The following ATG4C variants were observed in gnomAD, a reference collection of about 807,000 sequenced individuals.
ATG4C encodes cysteine protease ATG4C.
ATG4C carries 56 observed loss-of-function variants against 57.6 expected under a neutral mutation model. The ratio of observed to expected loss-of-function variants is 0.97; its 90% CI spans 0.78 to 1.21. The LOEUF is 1.21. ATG4C is among the 50% of genes most tolerant of loss of function. The pLI, the probability that ATG4C is intolerant of heterozygous loss-of-function variation, is 0.00. For synonymous variants in ATG4C, 157 were observed against 174.1 expected (o/e 0.90, Z 0.78); for missense variants, 595 against 529.8 (o/e 1.12, Z -1.21).
chr1:62,809,409 G>C (rs556451781), intron 3 of ATG4C, among the ~76,000 whole-genome samples: 132 of 146,912 alleles, frequency 9.0e-4, no homozygotes, highest in South Asian at 3.2e-3. Flanking sequence ...ATATACATAT[G>C]TGTATATAAA....
intron 1 of ATG4C, among the ~76,000 whole-genome samples, chr1:62,798,666 A>C (rs1664553222): frequency 6.7e-6 from 1 of 150,104 alleles, no homozygotes; most frequent in Non-Finnish European, 1.5e-5. Context: ...TTTTTTGGAG[A>C]CAGAGTCTTG....
chr1:62,821,377 T>A (rs1279590411), intron 6 of ATG4C, among the ~76,000 whole-genome samples, 168 bp downstream of exon 6: 1 of 152,094 alleles, frequency 6.6e-6, no homozygotes, highest in Non-Finnish European at 1.5e-5. Context: ...TTTGATTGAA[T>A]ACATACTATG....
intron 6 of ATG4C, among the ~76,000 whole-genome samples, chr1:62,828,532 T>G (rs548929647): frequency 6.6e-6 from 1 of 152,354 alleles, no homozygotes; most frequent in South Asian, 2.1e-4. Flanking sequence ...TTTAAGTTCC[T>G]TACAGATGCT....
chr1:62,848,309 A>C (rs1462809086), intron 10 of ATG4C, among the ~76,000 whole-genome samples: 1 of 152,172 alleles, frequency 6.6e-6, no homozygotes, highest in East Asian at 1.9e-4. Context: ...TGTCATCAAA[A>C]ACTTGAGTCC....
At chr1:62,836,619 C>G (rs1340615390) in intron 9 of ATG4C, among the ~76,000 whole-genome samples, 1 of 152,028 alleles carries the variant, frequency 6.6e-6, no homozygotes, top group Non-Finnish European at 1.5e-5. Context: ...GTATTACTAA[C>G]CATCCTTGCT....
chr1:62,846,760 C>CT (rs1473395806), intron 10 of ATG4C, among the ~76,000 whole-genome samples: 1 of 152,200 alleles, frequency 6.6e-6, no homozygotes, highest in Non-Finnish European at 1.5e-5. Flanking sequence ...TTCCCTACTG[C>CT]TCTTGCAACA....
chr1:62,809,451 G>A (rs1181724934), intron 3 of ATG4C, among the ~76,000 whole-genome samples: 1 of 146,132 alleles, frequency 6.8e-6, no homozygotes, highest in Non-Finnish European at 1.5e-5. Context: ...ATATGTATAT[G>A]TACACATGTA....
chr1:62,846,976 A>C (rs1666343380), intron 10 of ATG4C, among the ~76,000 whole-genome samples: 1 of 152,182 alleles, frequency 6.6e-6, no homozygotes, highest in African/African-American at 2.4e-5. Context: ...CAGGAGTTCA[A>C]AACCAGTCTG....
rs144423131 is a variant in ATG4C at position 62,864,106 on chromosome 1, G to T, written c.1324G>T (p.Asp442Tyr). 2,942 of 1,607,744 alleles carry T rather than the reference G, an allele frequency of 1.8e-3. 5 individuals carry two copies. Among genetic ancestry groups the T allele is most frequent in the South Asian group, 2.4e-3 (216 of 89,876 alleles). Residue 442 changes from aspartate (D) to tyrosine (Y), a missense_variant, in exon 11 of 11, where the codon GAT (aspartate) becomes TAT (tyrosine). By Grantham distance (160) the Asp-to-Tyr change is radical. Coordinates refer to ENST00000317868, the MANE Select transcript of ATG4C (RefSeq NM_032852.4). ...CAATGAAGAAGACCTTTTTTCAGAG[G>T]ATGAAAAGAAACAATTAAAAAGATT... is the stretch of plus-strand genomic sequence containing the variant. Reference protein sequence around the residue: ...TTNEEDLFSEDEKKQLKRFST... With the variant: ...TTNEEDLFSEYEKKQLKRFST...
intron 6 of ATG4C, among the ~76,000 whole-genome samples, chr1:62,828,436 A>C (rs1045811472): frequency 4.6e-5 from 7 of 152,140 alleles, no homozygotes; most frequent in African/African-American, 1.7e-4. Context: ...CTTATTGGCT[A>C]CATGTATATC....
chr1:62,820,591 A>G (rs899840859), intron 5 of ATG4C, among the ~76,000 whole-genome samples: 2 of 152,136 alleles, frequency 1.3e-5, no homozygotes, highest in African/African-American at 4.8e-5. Context: ...CACCATTGAG[A>G]ACATTATACT....
At chr1:62,821,330 T>C (rs1255492424) in intron 6 of ATG4C, 121 bp downstream of exon 6, 2 of 508,630 alleles carry the variant, frequency 3.9e-6, no homozygotes, top group Non-Finnish European at 6.5e-6. Context: ...TATACATTTT[T>C]GTTCCTAAAT....
At position 62,816,558 on chromosome 1, in the gene ATG4C, G is replaced by A. The variant is rs764559352; in HGVS notation, c.161-17G>A. On this transcript the variant is annotated splice_polypyrimidine_tract_variant and intron_variant, in intron 3 of 10. Coordinates refer to ENST00000317868, the MANE Select transcript of ATG4C (RefSeq NM_032852.4). ...ACATTTCTCTGGTTATCTTTAGACC[G>A]TATGTTTATTTTTTAGATGAAGATA... 8.6e-5 allele frequency: 134 copies of A among 1,563,932 alleles called. No individual in the cohort carries two copies. Among genetic ancestry groups the A allele is most frequent in the Non-Finnish European group, 1.1e-4 (123 of 1,146,764 alleles).
At chr1:62,793,182 G>T (rs1194223630) in intron 1 of ATG4C, among the ~76,000 whole-genome samples, 1 of 151,224 alleles carries the variant, frequency 6.6e-6, no homozygotes, top group South Asian at 2.1e-4. Context: ...CACCGCGCCC[G>T]GCCATGATTT....
intron 10 of ATG4C, among the ~76,000 whole-genome samples, chr1:62,848,089 G>T (rs987932293): frequency 6.6e-6 from 1 of 152,078 alleles, no homozygotes; most frequent in African/African-American, 2.4e-5. Flanking sequence ...ATTACAGAAA[G>T]ACATGTTATA....
chr1:62,835,266 T>C, intron 9 of ATG4C: 1 of 231,974 alleles, frequency 4.3e-6, no homozygotes, highest in Non-Finnish European at 9.2e-6. Context: ...TGCTAAATTA[T>C]TTTGCTTTGA....
chr1:62,839,527 T>C (rs1337093687), intron 9 of ATG4C, among the ~76,000 whole-genome samples: 1 of 152,214 alleles, frequency 6.6e-6, no homozygotes, highest in Non-Finnish European at 1.5e-5. Flanking sequence ...GCTGGGCAAA[T>C]GGTTATTTGT....
intron 7 of ATG4C, 121 bp from the exon 8 acceptor site, chr1:62,833,917 A>G: frequency 1.3e-6 from 1 of 772,938 alleles, no homozygotes; most frequent in Non-Finnish European, 2.1e-6. Flanking sequence ...TGCAAATGTA[A>G]TATAAATGAT....
chr1:62,819,450 T>A (rs1303162767), intron 5 of ATG4C, 115 bp downstream of exon 5: 16 of 780,518 alleles, frequency 2.0e-5, no homozygotes, highest in Non-Finnish European at 2.4e-5. Context: ...TGTATGAGAA[T>A]GTTGATAAAG....
Sources: allele counts gnomAD v4.1 joint callset (sites outside exome capture counted in the v4.1 genomes callset), GRCh38; gene constraint gnomAD v4.1.1; transcripts MANE v1.5; gene names NCBI Gene and HGNC (gene_info 2026-07-23, HGNC 2026-07-21).